SHROOM3: variants seen among roughly 807,000 people sequenced by gnomAD.
SHROOM3 encodes the protein shroom family member 3.
SHROOM3 carries 47 observed loss-of-function variants against 138.6 expected under a neutral mutation model. The observed-to-expected ratio is 0.34, with a 90% CI of 0.27 to 0.43. The LOEUF is 0.43. Ranked by LOEUF, SHROOM3 falls within the 20% of genes least tolerant of loss-of-function variation. SHROOM3 has a pLI of 1.00. For missense variants in SHROOM3, 2,491 were observed against 2,596.5 expected (o/e 0.96, Z 0.88); for synonymous variants, 1,062 against 1,063.3 (o/e 1.00, Z 0.02).
At chr4:76,552,082 C>A (rs367618681) in intron 1 of SHROOM3, among the ~76,000 whole-genome samples, 1 of 149,814 alleles carries the variant, frequency 6.7e-6, no homozygotes, top group African/African-American at 2.4e-5. Context: ...AGGATGGACT[C>A]GATCTCCTGA....
chr4:76,548,592 G>C (rs1332768610), intron 1 of SHROOM3, among the ~76,000 whole-genome samples: 1 of 152,154 alleles, frequency 6.6e-6, no homozygotes, highest in East Asian at 1.9e-4. Flanking sequence ...GTTCTTCAAA[G>C]TCAGTTTCCC....
intron 1 of SHROOM3, among the ~76,000 whole-genome samples, chr4:76,478,096 C>T (rs1016580587): frequency 2.0e-5 from 3 of 152,086 alleles, no homozygotes; most frequent in Non-Finnish European, 2.9e-5. Flanking sequence ...TTTTTCATAC[C>T]CCAGTGGTGC....
chr4:76,688,562 G>A (rs1485403469), intron 2 of SHROOM3: 3 of 985,264 alleles, frequency 3.0e-6, no homozygotes, highest in Non-Finnish European at 3.6e-6. Context: ...GGTGACACGT[G>A]AGAGCAATTA....
intron 3 of SHROOM3, among the ~76,000 whole-genome samples, chr4:76,711,046 A>G (rs985457217): frequency 1.3e-5 from 2 of 152,194 alleles, no homozygotes; most frequent in African/African-American, 4.8e-5. Flanking sequence ...CAAAAAATAA[A>G]TGTTAGGTGG....
intron 2 of SHROOM3, among the ~76,000 whole-genome samples, chr4:76,606,941 C>T (rs149448333): frequency 9.9e-5 from 15 of 152,176 alleles, no homozygotes; most frequent in South Asian, 4.1e-4. Flanking sequence ...TTTACCAAAT[C>T]AGCTTACTGT....
At chr4:76,491,437 G>A (rs560245561) in intron 1 of SHROOM3, among the ~76,000 whole-genome samples, 4 of 152,202 alleles carry the variant, frequency 2.6e-5, no homozygotes, top group Non-Finnish European at 4.4e-5. Flanking sequence ...AGCTTAAAAC[G>A]CTGGATGCTT....
intron 2 of SHROOM3, chr4:76,586,148 G>C (rs1189929556): frequency 4.6e-6 from 3 of 646,672 alleles, no homozygotes; most frequent in Non-Finnish European, 5.8e-6. Context: ...TTACATCAGC[G>C]GGCCAGCTCC....
intron 2 of SHROOM3, among the ~76,000 whole-genome samples, chr4:76,589,867 T>C (rs1734228279): frequency 6.6e-6 from 1 of 152,194 alleles, no homozygotes; most frequent in African/African-American, 2.4e-5. Context: ...CATTAGTTCT[T>C]CCATCTGAGG....
intron 1 of SHROOM3, among the ~76,000 whole-genome samples, chr4:76,444,652 T>C (rs1283161261): frequency 6.6e-6 from 1 of 150,878 alleles, no homozygotes; most frequent in Non-Finnish European, 1.5e-5. Flanking sequence ...ATGGGCCCCA[T>C]GCCTGGCTAA....
intron 1 of SHROOM3, among the ~76,000 whole-genome samples, chr4:76,519,582 A>G (rs1321144146): frequency 1.3e-5 from 2 of 152,304 alleles, no homozygotes; most frequent in Admixed American, 6.5e-5. Context: ...TCTAGTACTG[A>G]ACCAGAAAAG....
At chr4:76,655,991 C>A (rs773103270) in intron 2 of SHROOM3, among the ~76,000 whole-genome samples, 8 of 152,178 alleles carry the variant, frequency 5.3e-5, no homozygotes, top group Non-Finnish European at 1.2e-4. Context: ...GTTTTGTATT[C>A]ATGAAATTAG....
chr4:76,443,740 T>C (rs1241036977), intron 1 of SHROOM3, among the ~76,000 whole-genome samples: 2 of 152,212 alleles, frequency 1.3e-5, no homozygotes, highest in African/African-American at 4.8e-5. Context: ...TCTTGGTTTG[T>C]AGAATGGAAG....
intron 2 of SHROOM3, among the ~76,000 whole-genome samples, chr4:76,660,642 A>G (rs901642681): frequency 4.6e-5 from 7 of 151,832 alleles, no homozygotes; most frequent in Non-Finnish European, 1.5e-5. Context: ...CACCCAGCTA[A>G]TTTTTGTATT....
chr4:76,550,672 TGAAA>T (rs1364042099), intron 1 of SHROOM3, among the ~76,000 whole-genome samples: 1 of 152,080 alleles, frequency 6.6e-6, no homozygotes, highest in African/African-American at 2.4e-5. Flanking sequence ...TAGGGGCCCA[TGAAA>T]TGTTTGACAA....
At chr4:76,576,147 G>A (rs563209781) in intron 2 of SHROOM3, among the ~76,000 whole-genome samples, 1 of 152,156 alleles carries the variant, frequency 6.6e-6, no homozygotes, top group Non-Finnish European at 1.5e-5. Flanking sequence ...CCACTATGGG[G>A]TATATACCCC....
chr4:76,620,514 C>T (rs900225779), intron 2 of SHROOM3, among the ~76,000 whole-genome samples: 2 of 152,100 alleles, frequency 1.3e-5, no homozygotes, highest in East Asian at 1.9e-4. Flanking sequence ...AATAAGAACA[C>T]ATTGTTTCAG....
chr4:76,578,445 T>A (rs1420645390), intron 2 of SHROOM3, among the ~76,000 whole-genome samples: 1 of 152,230 alleles, frequency 6.6e-6, no homozygotes, highest in African/African-American at 2.4e-5. Flanking sequence ...AAAGCAGTAA[T>A]CACCAGAGCT....
In SHROOM3 at chr4:76,739,574, C is replaced by T; in HGVS notation, c.1401C>T (p.Ile467=). Residue 467 remains isoleucine (I), a synonymous_variant, in exon 5 of 11, where the codon ATC becomes ATT. Coordinates refer to ENST00000296043, the MANE Select transcript of SHROOM3 (RefSeq NM_020859.4). Reference sequence around the variant, plus strand: ...GCCAACCTCTGCTGCCGACCAGCATCTACCCGGTACCTTCCCTGGAGCCAC... The same window carrying T: ...GCCAACCTCTGCTGCCGACCAGCATTTACCCGGTACCTTCCCTGGAGCCAC... ...QPGQPLLPTS[I]YPVPSLEPHF... is the part of the protein sequence containing the mutation. 6.2e-7 allele frequency: 1 copy of T among 1,614,240 alleles called. No homozygotes were observed. Among genetic ancestry groups the T allele is most frequent in the South Asian group, 1.1e-5 (1 of 91,086 alleles).
At chr4:76,591,488 G>A (rs551597764) in intron 2 of SHROOM3, among the ~76,000 whole-genome samples, 33 of 152,224 alleles carry the variant, frequency 2.2e-4, no homozygotes, top group East Asian at 7.7e-4. Flanking sequence ...CAGAAGAGTC[G>A]CAAAATATTC....
Sources: allele counts gnomAD v4.1 joint callset (sites outside exome capture counted in the v4.1 genomes callset), GRCh38; gene constraint gnomAD v4.1.1; transcripts MANE v1.5; gene names NCBI Gene and HGNC (gene_info 2026-07-23, HGNC 2026-07-21).